Variants in STAT1 observed in about 807,000 individuals in gnomAD.
STAT1 encodes signal transducer and activator of transcription 1, also known as signal transducer and activator of transcription 1-alpha/beta.
Under a neutral mutation model 111.7 loss-of-function variants are expected in STAT1, and 24 were observed. The observed-to-expected ratio is 0.21, with a 90% CI of 0.16 to 0.30. The LOEUF is 0.30. STAT1 is among the 10% of genes least tolerant of loss of function. STAT1 has a pLI of 1.00. For missense variants in STAT1, 351 were observed against 911.9 expected (o/e 0.38, Z 7.92); for synonymous variants, 332 against 326.5 (o/e 1.02, Z -0.18).
At position 190,996,805 on chromosome 2, in the gene STAT1, C is replaced by T. The variant is rs1289946296; in HGVS notation, c.785+1051G>A. Among the ~76,000 whole-genome samples, 2 of 152,214 alleles carry T rather than the reference C, an allele frequency of 1.3e-5. No homozygotes were observed. The highest frequency in any genetic ancestry group is 2.9e-5 in the Non-Finnish European group (2 of 68,042). ...TAGCAATTGTCCCAGGCCACCTTCC[C>T]TCATGTTCACTCTGTGATTCCAAGT... On this transcript the variant is annotated intron_variant, in intron 9 of 24. Coordinates refer to ENST00000361099, the MANE Select transcript of STAT1 (RefSeq NM_007315.4). This position sits in a 1 kb window ranked among gnomAD's most constrained non-coding sequence, Gnocchi z 4.5.
rs45498904 is a variant in STAT1, at chr2:191,007,873, C to T, written c.274-212G>A. 1.2e-3 allele frequency: 717 copies of T among 588,750 alleles called. 4 individuals carry two copies. The highest frequency in any genetic ancestry group is 0.011 in the African/African-American group (563 of 53,576). 36.5% of individuals were successfully genotyped at this position (588,750 alleles called of 1,614,324 possible). On this transcript the variant is annotated intron_variant, in intron 4 of 24. Transcript: ENST00000361099. This position sits in a 1 kb window ranked among gnomAD's most constrained non-coding sequence, Gnocchi z 4.2. ...TAACTTTCTAAGTGCAGGTACCTAACGTACTTTTTGATTTAAAAACAAGTA... is the reference window on the plus strand; with the variant it reads ...TAACTTTCTAAGTGCAGGTACCTAATGTACTTTTTGATTTAAAAACAAGTA...
At position 190,986,100 on chromosome 2, in the gene STAT1, G is replaced by A. The variant is rs1247782290; in HGVS notation, c.1222-440C>T. On this transcript the variant is annotated intron_variant, in intron 14 of 24. Coordinates refer to ENST00000361099, the MANE Select transcript of STAT1 (RefSeq NM_007315.4). This position sits in a 1 kb window ranked among gnomAD's most constrained non-coding sequence, Gnocchi z 5.0. Reference sequence around the variant, plus strand: ...AATCCCTGAGCTGACGAGGGAGCAGGCTGGGGCCCTGAGGGCGGCTCTGAA... The same window carrying A: ...AATCCCTGAGCTGACGAGGGAGCAGACTGGGGCCCTGAGGGCGGCTCTGAA... Among the ~76,000 whole-genome samples the A allele has an allele frequency of 6.6e-6, 1 of 152,226 alleles. No homozygotes were observed. The highest frequency in any genetic ancestry group is 1.9e-4 in the East Asian group (1 of 5,192).
At chr2:191,010,320 C>T (rs768566212) in intron 2 of STAT1, 2 of 477,956 alleles carry the variant, frequency 4.2e-6, no homozygotes, top group South Asian at 3.1e-5. Context: ...TCTCTCTTTT[C>T]CCTGGTTTAT....
In STAT1 at chr2:191,003,207, G is replaced by T. The variant is rs1244655468; in HGVS notation, c.373-2044C>A. Among the ~76,000 whole-genome samples the T allele has an allele frequency of 6.6e-6, 1 of 152,200 alleles. No homozygotes were observed. Among genetic ancestry groups the T allele is most frequent in the Non-Finnish European group, 1.5e-5 (1 of 68,044 alleles). ...AGTTCAAAGCATGTGAATTGTATCA[G>T]CTGTAAAGTGTGTATTAGAAATACA... On this transcript the variant is annotated intron_variant, in intron 5 of 24. Coordinates refer to ENST00000361099, the MANE Select transcript of STAT1 (RefSeq NM_007315.4). The surrounding 1 kb of genome is among the most constrained non-coding windows in gnomAD (Gnocchi z 4.0).
In STAT1 at chr2:190,993,133, G is replaced by T; in HGVS notation, c.945-1813C>A. On this transcript the variant is annotated intron_variant, in intron 10 of 24. Coordinates refer to ENST00000361099, the MANE Select transcript of STAT1 (RefSeq NM_007315.4). This position sits in a 1 kb window ranked among gnomAD's most constrained non-coding sequence, Gnocchi z 4.1. ...TAGTTTCCAAAAACAGAATTCCAAG[G>T]GAATCAGCAAATTCCTTGGCTGTTG... The T allele has an allele frequency of 4.7e-6, 2 of 428,044 alleles. No individual in the cohort carries two copies. The highest frequency in any genetic ancestry group is 4.2e-5 in the South Asian group (2 of 47,338). The allele number at this position is 428,044 out of a possible 1,614,324, so 26.5% of individuals were successfully genotyped here.
rs564474773 is a variant in STAT1, at chr2:190,982,729, C to G, written c.1447-211G>C. Among the ~76,000 whole-genome samples the G allele has an allele frequency of 1.4e-4, 22 of 152,270 alleles. No homozygotes were observed. The highest frequency in any genetic ancestry group is 3.4e-3 in the Middle Eastern group (1 of 294). ...ACTCACTAAAATTTACTTGTAACTC[C>G]AAAATCTAAATACATGGCATCTTTG... On this transcript the variant is annotated intron_variant, in intron 17 of 24. Transcript: ENST00000361099. This position sits in a 1 kb window ranked among gnomAD's most constrained non-coding sequence, Gnocchi z 7.3.
chr2:190,985,706 A>G, intron 14 of STAT1, 46 bp from the exon 15 acceptor site: 2 of 1,568,550 alleles, frequency 1.3e-6, no homozygotes, highest in Non-Finnish European at 1.8e-6. Flanking sequence ...GTAATGGTCA[A>G]AGTTGCTATC....
At position 190,978,854 on chromosome 2, in the gene STAT1, A is replaced by G; in HGVS notation, c.1873+2T>C. On this transcript the variant is annotated splice_donor_variant, in intron 21 of 24. Coordinates refer to ENST00000361099, the MANE Select transcript of STAT1 (RefSeq NM_007315.4). LOFTEE classifies it high-confidence loss of function. This position sits in a 1 kb window ranked among gnomAD's most constrained non-coding sequence, Gnocchi z 6.1. ...GGACTATGTGCTCAAACTCCCACTCACCGCCTCCGTTCTGGGACCGCTCCA... is the reference window on the plus strand; with the variant it reads ...GGACTATGTGCTCAAACTCCCACTCGCCGCCTCCGTTCTGGGACCGCTCCA... 6.2e-7 allele frequency: 1 copy of G among 1,613,906 alleles called. No homozygotes were observed. Among genetic ancestry groups the G allele is most frequent in the Non-Finnish European group, 8.5e-7 (1 of 1,179,958 alleles).
chr2:190,978,773 A>C lies in STAT1; in HGVS notation c.1873+83T>G. On this transcript the variant is annotated intron_variant, in intron 21 of 24. Transcript: ENST00000361099. The surrounding 1 kb of genome is among the most constrained non-coding windows in gnomAD (Gnocchi z 6.1). ...TGCAATTTCATGTCCCAAACGCACT[A>C]TCTGTATGAGCTGACTGGCGGCGAT... is the stretch of plus-strand genomic sequence containing the variant. The C allele has an allele frequency of 6.4e-7, 1 of 1,559,134 alleles. No individual in the cohort carries two copies. Among genetic ancestry groups the C allele is most frequent in the Non-Finnish European group, 8.7e-7 (1 of 1,146,526 alleles).
At chr2:191,008,656 T>C (rs1694891152) in intron 4 of STAT1, among the ~76,000 whole-genome samples, 1 of 152,250 alleles carries the variant, frequency 6.6e-6, no homozygotes, top group Non-Finnish European at 1.5e-5. Flanking sequence ...TAGCCCCTTT[T>C]CTTTGGTTTA....
chr2:191,001,455 T>C (rs1172329170), intron 5 of STAT1, among the ~76,000 whole-genome samples: 1 of 152,174 alleles, frequency 6.6e-6, no homozygotes, highest in Non-Finnish European at 1.5e-5. Flanking sequence ...TAGTTCACGG[T>C]TTCTCAGATA....
At position 190,982,284 on chromosome 2, in the gene STAT1, T is replaced by G; in HGVS notation, c.1582+99A>C. The stretch of plus-strand genomic sequence containing the variant: ...GAAAAGCTGACAGATTTTAGTACTT[T>G]TTTACCTTTAACAAAATAGCAGAGG... On this transcript the variant is annotated intron_variant, in intron 18 of 24. Transcript: ENST00000361099. The surrounding 1 kb of genome is among the most constrained non-coding windows in gnomAD (Gnocchi z 7.3). The G allele has an allele frequency of 6.9e-7, 1 of 1,451,738 alleles. No individual in the cohort carries two copies. Among genetic ancestry groups the G allele is most frequent in the African/African-American group, 1.4e-5 (1 of 71,198 alleles). The allele number at this position is 1,451,738 out of a possible 1,614,324, so 89.9% of individuals were successfully genotyped here.
In STAT1 at chr2:190,977,850, C is replaced by T. The variant is rs770485273; in HGVS notation, c.1874-825G>A. 1.3e-5 allele frequency among the ~76,000 whole-genome samples: 2 copies of T among 152,084 alleles called. No homozygotes were observed. Among genetic ancestry groups the T allele is most frequent in the Admixed American group, 6.6e-5 (1 of 15,262 alleles). ...GGCAGGTTCTAATGACTACTGCCCA[C>T]GCCAGACTCTCATCTCAGCCTCCCT... On this transcript the variant is annotated intron_variant, in intron 21 of 24. Transcript: ENST00000361099. This position sits in a 1 kb window ranked among gnomAD's most constrained non-coding sequence, Gnocchi z 4.7.
intron 12 of STAT1, among the ~76,000 whole-genome samples, chr2:190,988,446 T>C (rs1693042180): frequency 6.6e-6 from 1 of 152,222 alleles, no homozygotes; most frequent in African/African-American, 2.4e-5. Context: ...TGGCATGATC[T>C]CAGCTCACTG....
chr2:190,992,757 A>G (rs1281194759), intron 10 of STAT1: 24 of 769,596 alleles, frequency 3.1e-5, no homozygotes, highest in Non-Finnish European at 4.0e-5. Context: ...AGCTGCCATC[A>G]TCATGGAACA....
rs41495745 is a variant in STAT1, at chr2:190,974,446, C to T, written c.2238+384G>A. Among the ~76,000 whole-genome samples, 5,804 of 152,292 alleles carry T rather than the reference C, an allele frequency of 0.038. 298 individuals carry two copies. The highest frequency in any genetic ancestry group is 0.16 in the East Asian group (817 of 5,184). ...CTACCAAGCGTTAGTCCCTCCCTTT[C>T]TAAAAATAACACTCCCTCCCCTAGA... On this transcript the variant is annotated intron_variant, in intron 24 of 24. Coordinates refer to ENST00000361099, the MANE Select transcript of STAT1 (RefSeq NM_007315.4). The surrounding 1 kb of genome is among the most constrained non-coding windows in gnomAD (Gnocchi z 4.8).
rs1692499822 is a variant in STAT1, at chr2:190,982,938, C to CATTTTGTGACTGCATTTTG, written c.1447-421_1447-420insCAAAATGCAGTCACAAAAT. 5.9e-5 allele frequency among the ~76,000 whole-genome samples: 9 copies of CATTTTGTGACTGCATTTTG among 152,176 alleles called. No homozygotes were observed. On this transcript the variant is annotated intron_variant, in intron 17 of 24. Transcript: ENST00000361099. The surrounding 1 kb of genome is among the most constrained non-coding windows in gnomAD (Gnocchi z 7.3). ...CCATGTTTTTTGCATTTTGTGACTG[C>CATTTTGTGACTGCATTTTG]TGTTGGTGATCCCTGTTTAAAATGG...
chr2:191,002,445 A>G (rs1315306321), intron 5 of STAT1, among the ~76,000 whole-genome samples: 2 of 152,222 alleles, frequency 1.3e-5, no homozygotes, highest in African/African-American at 2.4e-5. Flanking sequence ...TAGTAGGGCC[A>G]GTCCCATTTC....
In STAT1 at chr2:190,997,802, G is replaced by A; in HGVS notation, c.785+54C>T. On this transcript the variant is annotated intron_variant, in intron 9 of 24. Transcript: ENST00000361099. The surrounding 1 kb of genome is among the most constrained non-coding windows in gnomAD (Gnocchi z 7.3). ...TAACACAGCTCAAAGGTACATTTAT[G>A]TGTTTATGTGGTTAGCCAGTCAGCT... 2 of 1,612,128 alleles carry A rather than the reference G, an allele frequency of 1.2e-6. No individual in the cohort carries two copies. The highest frequency in any genetic ancestry group is 8.5e-7 in the Non-Finnish European group (1 of 1,179,308).
Sources: gnomAD v4.1 joint callset for allele counts (sites outside exome capture counted in the v4.1 genomes callset) on GRCh38, gnomAD v4.1.1 for gene constraint, Gnocchi (gnomAD v3.1) non-coding constraint, MANE v1.5 for transcripts, NCBI Gene and HGNC (gene_info 2026-07-23, HGNC 2026-07-21) for gene names.